The following FHIT variants were observed in gnomAD, a reference collection of about 807,000 sequenced individuals.
FHIT encodes fragile histidine triad diadenosine triphosphatase, also known as bis(5'-adenosyl)-triphosphatase.
A neutral mutation model predicts 17.9 loss-of-function variants in FHIT; 19 were observed. The ratio of observed to expected loss-of-function variants is 1.06; its 90% CI spans 0.74 to 1.56. The LOEUF is 1.56. Among genes scored for constraint, FHIT ranks in the 40% most tolerant of loss-of-function variants. FHIT has a pLI of 0.00. For missense variants in FHIT, 248 were observed against 189.2 expected, an observed-to-expected ratio of 1.31 and a Z score of -1.82; for synonymous variants, 81 against 69.7, an observed-to-expected ratio of 1.16 and a Z score of -0.81.
At chr3:60,685,040 G>A (rs2040832542) in intron 4 of FHIT, among the ~76,000 whole-genome samples, 2 of 152,130 alleles carry the variant, frequency 1.3e-5, no homozygotes, top group Non-Finnish European at 2.9e-5. Flanking sequence ...AGTTGATGCT[G>A]AGAGAAATCT....
chr3:59,831,604 G>A (rs978321547), intron 8 of FHIT, among the ~76,000 whole-genome samples: 2 of 152,068 alleles, frequency 1.3e-5, no homozygotes, highest in African/African-American at 4.8e-5. Context: ...CATGCGATAA[G>A]ACTGTCTGTC....
At chr3:60,851,700 GT>G (rs1489220315) in intron 3 of FHIT, among the ~76,000 whole-genome samples, 1 of 152,034 alleles carries the variant, frequency 6.6e-6, no homozygotes, top group African/African-American at 2.4e-5. Context: ...ACTTTATCAT[GT>G]CACATAGACC....
chr3:60,968,701 G>A (rs58211229), intron 3 of FHIT, among the ~76,000 whole-genome samples: 2 of 152,052 alleles, frequency 1.3e-5, no homozygotes, highest in Non-Finnish European at 2.9e-5. Flanking sequence ...CGCCCTGCCC[G>A]GCCCCTGCTG....
At chr3:61,160,814 C>G (rs1419633581) in intron 2 of FHIT, among the ~76,000 whole-genome samples, 2 of 152,124 alleles carry the variant, frequency 1.3e-5, no homozygotes, top group African/African-American at 4.8e-5. Flanking sequence ...TAATGCATTT[C>G]TCTTTGGAAT....
chr3:59,925,038 T>C (rs953503220), intron 7 of FHIT, among the ~76,000 whole-genome samples: 2 of 151,996 alleles, frequency 1.3e-5, no homozygotes, highest in African/African-American at 2.4e-5. Flanking sequence ...TTTCCTTCTT[T>C]CCTTCTATCT....
Position 61,125,416 on chromosome 3 carries a change from T to C in FHIT, c.-164+75201A>G, listed in dbSNP as rs533243482. Among the ~76,000 whole-genome samples the C allele has an allele frequency of 3.3e-5, 5 of 152,222 alleles. No homozygotes were observed. In the East Asian group the frequency reaches 5.8e-4, roughly 18 times the overall value. On this transcript the variant is annotated intron_variant, in intron 2 of 9. Transcript: ENST00000492590. ...AGCAAAAGGAAGGATCAAGAAAAAG[T>C]TCTTTGTTTTGTTTTTAACTCAATT...
chr3:60,388,525 C>T (rs958662436), intron 5 of FHIT, among the ~76,000 whole-genome samples: 2 of 152,110 alleles, frequency 1.3e-5, no homozygotes, highest in African/African-American at 4.8e-5. Context: ...ATCATAAGCC[C>T]AGGAGGTGGA....
At chr3:60,922,715 A>T (rs1180939075) in intron 3 of FHIT, among the ~76,000 whole-genome samples, 1 of 152,190 alleles carries the variant, frequency 6.6e-6, no homozygotes, top group Non-Finnish European at 1.5e-5. Flanking sequence ...TTTCCTCTCC[A>T]ATCACCAAGA....
At chr3:60,975,300 G>A (rs551704221) in intron 3 of FHIT, among the ~76,000 whole-genome samples, 1 of 152,130 alleles carries the variant, frequency 6.6e-6, no homozygotes, top group Non-Finnish European at 1.5e-5. Flanking sequence ...GTGGCATTAA[G>A]GTGAAATTAA....
intron 4 of FHIT, among the ~76,000 whole-genome samples, chr3:60,712,456 T>G (rs1369183382): frequency 2.0e-5 from 3 of 151,482 alleles, no homozygotes; most frequent in South Asian, 2.1e-4. Context: ...TGGACTAAAT[T>G]ATCCAATTAA....
At chr3:60,239,446 T>C (rs1441044756) in intron 5 of FHIT, among the ~76,000 whole-genome samples, 2 of 152,088 alleles carry the variant, frequency 1.3e-5, no homozygotes, top group Non-Finnish European at 2.9e-5. Context: ...ATACCTGTAG[T>C]CCCAGCTACT....
At chr3:60,930,347 A>G (rs1553771358) in intron 3 of FHIT, among the ~76,000 whole-genome samples, 1 of 152,212 alleles carries the variant, frequency 6.6e-6, no homozygotes, top group Non-Finnish European at 1.5e-5. Flanking sequence ...AATGGTAACA[A>G]AAGACAAAAT....
At chr3:60,748,057 G>C (rs2042393341) in intron 4 of FHIT, among the ~76,000 whole-genome samples, 1 of 152,156 alleles carries the variant, frequency 6.6e-6, no homozygotes, top group Non-Finnish European at 1.5e-5. Flanking sequence ...TAGACTGCTG[G>C]GGGCCTTGAG....
chr3:60,262,944 T>C (rs1217947254), intron 5 of FHIT, among the ~76,000 whole-genome samples: 2 of 151,868 alleles, frequency 1.3e-5, no homozygotes, highest in Non-Finnish European at 2.9e-5. Context: ...AGTCACAGAC[T>C]AGAAGAACAT....
chr3:60,714,634 C>A (rs1365406986), intron 4 of FHIT, among the ~76,000 whole-genome samples: 1 of 152,134 alleles, frequency 6.6e-6, no homozygotes, highest in East Asian at 1.9e-4. Flanking sequence ...TTCTTATACA[C>A]CAATGACAGA....
chr3:59,866,832 C>T (rs763776595), intron 8 of FHIT, among the ~76,000 whole-genome samples: 18 of 152,064 alleles, frequency 1.2e-4, no homozygotes, highest in African/African-American at 1.2e-4. Context: ...CTGAGACCAG[C>T]GGGTTTGCCA....
chr3:60,601,251 C>T (rs1184417599), intron 4 of FHIT, among the ~76,000 whole-genome samples: 1 of 152,196 alleles, frequency 6.6e-6, no homozygotes, highest in Admixed American at 6.5e-5. Context: ...CCTCACCCTC[C>T]ACATTTCCTA....
chr3:60,173,915 A>ATATATTTTTTT, intron 5 of FHIT, among the ~76,000 whole-genome samples: 4 of 66,438 alleles, frequency 6.0e-5, no homozygotes, highest in Non-Finnish European at 8.3e-5. Context: ...ATATATATAT[A>ATATATTTTTTT]TGTTTTTTTT....
At chr3:61,141,321 G>C (rs1030703039) in intron 2 of FHIT, among the ~76,000 whole-genome samples, 1 of 152,054 alleles carries the variant, frequency 6.6e-6, no homozygotes, top group Non-Finnish European at 1.5e-5. Flanking sequence ...CAAGTAGAAT[G>C]TACTCAGTCT....
Sources: gnomAD v4.1 joint callset for allele counts (sites outside exome capture counted in the v4.1 genomes callset) on GRCh38, gnomAD v4.1.1 for gene constraint, MANE v1.5 for transcripts, NCBI Gene and HGNC (gene_info 2026-07-23, HGNC 2026-07-21) for gene names.